The following MEIS2 variants were observed in gnomAD, a reference collection of about 807,000 sequenced individuals.
MEIS2 encodes the protein homeobox protein Meis2.
A neutral mutation model predicts 58.6 loss-of-function variants in MEIS2; 9 were observed. The ratio of observed to expected loss-of-function variants is 0.15; its 90% CI spans 0.09 to 0.27. The LOEUF is 0.27. Among genes scored for constraint, MEIS2 ranks in the 10% least tolerant of loss-of-function variants. MEIS2 has a pLI of 1.00. For missense variants in MEIS2, 427 were observed against 635.0 expected (o/e 0.67, Z 3.52); for synonymous variants, 221 against 228.4 (o/e 0.97, Z 0.29).
Position 36,892,028 on chromosome 15 carries a change from C to T in MEIS2, c.*145G>A. 2 of 841,048 alleles carry T rather than the reference C, an allele frequency of 2.4e-6. No individual in the cohort carries two copies. The highest frequency in any genetic ancestry group is 3.3e-5 in the South Asian group (2 of 61,514). The allele number at this position is 841,048 out of a possible 1,614,324, so 52.1% of individuals were successfully genotyped here. A position where few individuals can be genotyped will look rare whatever the true frequency, so the allele number is the denominator to read the frequency against. ...CATTTGTGTTCTTGTTGCATTGGTC[C>T]TCTGTTGCTTGATGAAAAATGACAA... is the stretch of plus-strand genomic sequence containing the variant. On this transcript the variant is annotated 3_prime_UTR_variant, in exon 12 of 12. Coordinates refer to ENST00000561208, the MANE Select transcript of MEIS2 (RefSeq NM_170675.5).
At chr15:36,940,525 G>A (rs964285907) in intron 9 of MEIS2, among the ~76,000 whole-genome samples, 7 of 152,096 alleles carry the variant, frequency 4.6e-5, no homozygotes, top group Non-Finnish European at 8.8e-5. Context: ...GAACTCCAGT[G>A]TTTCTCTTGT....
intron 8 of MEIS2, among the ~76,000 whole-genome samples, chr15:37,022,111 A>G (rs2061545177): frequency 6.6e-6 from 1 of 152,040 alleles, no homozygotes; most frequent in African/African-American, 2.4e-5. Context: ...TTATTTCTTC[A>G]TGACAAACTC....
intron 7 of MEIS2, among the ~76,000 whole-genome samples, chr15:37,057,136 C>A (rs1029516708): frequency 2.0e-5 from 3 of 152,126 alleles, no homozygotes; most frequent in African/African-American, 2.4e-5. Flanking sequence ...GGAAGATTAC[C>A]GAATTGATGG....
chr15:36,895,289 G>T (rs1267407869), intron 10 of MEIS2, 28 bp from the exon 11 acceptor site: 1 of 1,584,880 alleles, frequency 6.3e-7, no homozygotes, highest in Admixed American at 1.7e-5. Context: ...AGGACACAGA[G>T]GAGAAAGAAG....
At chr15:37,047,179 C>T (rs2062710271) in intron 7 of MEIS2, among the ~76,000 whole-genome samples, 1 of 152,104 alleles carries the variant, frequency 6.6e-6, no homozygotes, top group African/African-American at 2.4e-5. Context: ...CTCTCAAATG[C>T]CCTTTTCCAC....
At chr15:37,044,775 C>CT (rs2062591395) in intron 7 of MEIS2, among the ~76,000 whole-genome samples, 1 of 152,166 alleles carries the variant, frequency 6.6e-6, no homozygotes, top group African/African-American at 2.4e-5. Context: ...TACTTTTCTT[C>CT]TTGCAATTTA....
chr15:36,895,467 T>C (rs1344385789), intron 10 of MEIS2, among the ~76,000 whole-genome samples: 1 of 152,180 alleles, frequency 6.6e-6, no homozygotes, highest in Non-Finnish European at 1.5e-5. Context: ...AAGACTTCAC[T>C]GGCCAGTTTC....
At chr15:37,076,649 T>G (rs1435635200) in intron 7 of MEIS2, among the ~76,000 whole-genome samples, 4 of 152,100 alleles carry the variant, frequency 2.6e-5, no homozygotes, top group African/African-American at 4.8e-5. Flanking sequence ...TTGAGAATTT[T>G]TTCTTTTCTG....
chr15:37,034,356 C>A (rs1231811093), intron 8 of MEIS2, among the ~76,000 whole-genome samples: 2 of 152,182 alleles, frequency 1.3e-5, no homozygotes, highest in East Asian at 3.9e-4. Flanking sequence ...CTTCCCAACT[C>A]CCCCAGCTTA....
chr15:36,905,932 G>GTAAAT (rs2056711445), intron 9 of MEIS2, among the ~76,000 whole-genome samples: 1 of 152,148 alleles, frequency 6.6e-6, no homozygotes, highest in African/African-American at 2.4e-5. Context: ...TCCATAGTCA[G>GTAAAT]TAAATAAGTG....
At chr15:37,083,675 T>C (rs1435006743) in intron 7 of MEIS2, 96 bp downstream of exon 7, 4 of 917,764 alleles carry the variant, frequency 4.4e-6, no homozygotes, top group Non-Finnish European at 6.7e-6. Context: ...CCTGCCACTC[T>C]CCTGTTTACA....
chr15:37,035,071 C>T (rs1264831673), intron 8 of MEIS2, among the ~76,000 whole-genome samples: 1 of 152,010 alleles, frequency 6.6e-6, no homozygotes, highest in Non-Finnish European at 1.5e-5. Context: ...TTATTTTCGA[C>T]CAAGAAAGAC....
chr15:37,035,614 C>T (rs1425894809), intron 8 of MEIS2, among the ~76,000 whole-genome samples: 5 of 152,234 alleles, frequency 3.3e-5, no homozygotes, highest in African/African-American at 1.2e-4. Context: ...ACCACTACCA[C>T]AGCTGCCTCA....
intron 7 of MEIS2, among the ~76,000 whole-genome samples, chr15:37,082,012 C>T (rs1396629436): frequency 6.6e-6 from 1 of 152,234 alleles, no homozygotes; most frequent in Non-Finnish European, 1.5e-5. Context: ...CCCACCTCCT[C>T]TTCTCTCTGG....
rs1416973530 is a variant in MEIS2 at position 37,010,919 on chromosome 15, C to T, written c.900+25895G>A. 4.6e-5 allele frequency among the ~76,000 whole-genome samples: 7 copies of T among 152,190 alleles called. No individual in the cohort carries two copies. The East Asian group carries it at 1.3e-3, about 29-fold the overall frequency. On this transcript the variant is annotated intron_variant, in intron 8 of 11. Transcript: ENST00000561208. ...TTAGGGAGCATAAGACAAATCAGGT[C>T]CAAGTTCACAAACACCGTCATTCTT...
Position 36,892,436 on chromosome 15 carries a change from A to G in MEIS2, c.1171T>C (p.Tyr391His). ...PAGLQSMPGD[Y>H]VSQGGPMGMS... ...CCCATAGGACCACCCTGAGAAACGT[A>G]GTCCCCTGGCATGCTCTGCAAACCT... The change falls in exon 12 of 12, where the codon TAC becomes CAC. Residue 391 changes from tyrosine to histidine, a missense_variant. Physicochemically the swap from Tyr to His is moderately conservative, Grantham distance 83. This residue lies in a region of MEIS2 where 154 missense variants were observed against 148.1 expected (regional missense o/e 1.04). Transcript: ENST00000561208. 1 of 1,613,624 alleles carries G rather than the reference A, an allele frequency of 6.2e-7. No individual in the cohort carries two copies. Among genetic ancestry groups the G allele is most frequent in the Non-Finnish European group, 8.5e-7 (1 of 1,179,888 alleles).
intron 6 of MEIS2, among the ~76,000 whole-genome samples, chr15:37,088,840 C>G (rs1229627475): frequency 6.6e-6 from 1 of 152,038 alleles, no homozygotes; most frequent in Non-Finnish European, 1.5e-5. Context: ...CCTCTTAAAA[C>G]TTTGAATTGT....
At chr15:37,033,047 T>C (rs2061992724) in intron 8 of MEIS2, among the ~76,000 whole-genome samples, 2 of 152,198 alleles carry the variant, frequency 1.3e-5, no homozygotes, top group South Asian at 4.1e-4. Flanking sequence ...GAGTGGAACT[T>C]GTTCTTCCAA....
intron 8 of MEIS2, among the ~76,000 whole-genome samples, chr15:36,960,053 T>C (rs1251809115): frequency 1.3e-5 from 2 of 152,132 alleles, no homozygotes; most frequent in Non-Finnish European, 2.9e-5. Flanking sequence ...GGGGCAAATA[T>C]TAAGGAATTA....
Sources: allele counts gnomAD v4.1 joint callset (sites outside exome capture counted in the v4.1 genomes callset), GRCh38; gene constraint gnomAD v4.1.1; regional missense constraint gnomAD v4.1.1; transcripts MANE v1.5; gene names NCBI Gene and HGNC (gene_info 2026-07-23, HGNC 2026-07-21).